The following USP45 variants were observed in gnomAD, a reference collection of about 807,000 sequenced individuals.
The protein encoded by USP45 is ubiquitin carboxyl-terminal hydrolase 45.
A neutral mutation model predicts 95.8 loss-of-function variants in USP45; 89 were observed. The ratio of observed to expected loss-of-function variants is 0.93; its 90% CI spans 0.78 to 1.11. The LOEUF is 1.11. Among genes scored for constraint, USP45 ranks in the 50% least tolerant of loss-of-function variants. USP45 has a pLI of 0.00. For synonymous variants in USP45, 281 were observed against 316.2 expected (o/e 0.89, Z 1.18); for missense variants, 898 against 942.5 (o/e 0.95, Z 0.62).
rs146076593 is a variant in USP45, at chr6:99,513,309, G to A, written c.-11+2083C>T. Among the ~76,000 whole-genome samples, 154 of 152,156 alleles carry A rather than the reference G, an allele frequency of 1.0e-3. 2 individuals are homozygous for A. Among genetic ancestry groups the A allele is most frequent in the African/African-American group, 3.5e-3 (144 of 41,522 alleles). On this transcript the variant is annotated intron_variant, in intron 1 of 17. Coordinates refer to ENST00000500704, the MANE Select transcript of USP45 (RefSeq NM_001346022.3). ...GGTCAACTTACATACTATCCACAGA[G>A]CCATTTCAAATCTTCTTCACTTTCC... is the stretch of plus-strand genomic sequence containing the variant.
chr6:99,468,666 G>T (rs367584186), intron 9 of USP45, 48 bp from the exon 10 acceptor site: 10 of 1,241,690 alleles, frequency 8.1e-6, no homozygotes, highest in Non-Finnish European at 9.2e-6. Flanking sequence ...GTTAACTCAG[G>T]CCTCATCCTC....
At chr6:99,510,011 A>C in intron 2 of USP45, 110 bp downstream of exon 2, 1 of 827,726 alleles carries the variant, frequency 1.2e-6, no homozygotes, top group South Asian at 1.7e-5. Context: ...TTGGTGGAAA[A>C]AAATTTGTGT....
intron 7 of USP45, among the ~76,000 whole-genome samples, chr6:99,487,002 G>A (rs930470819): frequency 6.6e-6 from 1 of 152,146 alleles, no homozygotes; most frequent in African/African-American, 2.4e-5. Flanking sequence ...GGGAACCACA[G>A]GGTGTCCTAG....
chr6:99,461,493 T>C (rs1008092339), intron 13 of USP45: 3 of 985,290 alleles, frequency 3.0e-6, no homozygotes, highest in Non-Finnish European at 3.6e-6. Flanking sequence ...ACACTAGTTT[T>C]ACAGTGCTTT....
At chr6:99,510,473 C>T (rs569885382) in intron 1 of USP45, among the ~76,000 whole-genome samples, 3 of 152,310 alleles carry the variant, frequency 2.0e-5, no homozygotes, top group Non-Finnish European at 4.4e-5. Flanking sequence ...TGTGTCCCCA[C>T]TCCAAATTGA....
At chr6:99,481,138 TC>T (rs1232514728) in intron 8 of USP45, among the ~76,000 whole-genome samples, 2 of 152,150 alleles carry the variant, frequency 1.3e-5, no homozygotes, top group Non-Finnish European at 2.9e-5. Context: ...TAATGTTTGA[TC>T]TAGTTATTCT....
chr6:99,486,754 G>A (rs1458622945), intron 7 of USP45, among the ~76,000 whole-genome samples: 1 of 151,792 alleles, frequency 6.6e-6, no homozygotes, highest in Non-Finnish European at 1.5e-5. Context: ...ATGTTTAGAG[G>A]GCTAAGCATT....
chr6:99,451,834 A>C (rs1356895051), intron 13 of USP45, among the ~76,000 whole-genome samples: 2 of 152,362 alleles, frequency 1.3e-5, no homozygotes, highest in Middle Eastern at 3.4e-3. Flanking sequence ...AAACAGAGAT[A>C]TAGACCAATG....
At chr6:99,509,380 G>A (rs1187635644) in intron 2 of USP45, among the ~76,000 whole-genome samples, 2 of 152,050 alleles carry the variant, frequency 1.3e-5, no homozygotes, top group African/African-American at 2.4e-5. Flanking sequence ...GAACTTATTC[G>A]GATTTCAGAA....
upstream of USP45, among the ~76,000 whole-genome samples, chr6:99,515,895 C>G (rs1289187462): frequency 6.6e-6 from 1 of 150,820 alleles, no homozygotes; most frequent in Non-Finnish European, 1.5e-5. Context: ...CTGCCTTAGC[C>G]TCCCGAGTAG....
At chr6:99,472,522 C>T (rs1250451921) in intron 9 of USP45, among the ~76,000 whole-genome samples, 3 of 152,010 alleles carry the variant, frequency 2.0e-5, no homozygotes, top group Non-Finnish European at 2.9e-5. Context: ...AGCCCACTTA[C>T]ATAATTTTTA....
At chr6:99,463,881 A>G (rs986104546) in intron 13 of USP45, among the ~76,000 whole-genome samples, 5 of 152,076 alleles carry the variant, frequency 3.3e-5, no homozygotes, top group South Asian at 2.1e-4. Context: ...AAACTTTAGA[A>G]AGCAAAATAA....
At chr6:99,508,287 T>C (rs566693593) in intron 3 of USP45, among the ~76,000 whole-genome samples, 22 of 152,316 alleles carry the variant, frequency 1.4e-4, no homozygotes, top group Non-Finnish European at 2.4e-4. Flanking sequence ...TAATCTGTTT[T>C]GAGAGAGAAA....
intron 5 of USP45, chr6:99,501,679 T>G (rs1797395168): frequency 1.2e-5 from 2 of 165,962 alleles, no homozygotes; most frequent in Non-Finnish European, 2.6e-5. Context: ...ATACCTGGCA[T>G]GTGGGAAGCA....
chr6:99,467,411 C>G (rs929610734), intron 10 of USP45, among the ~76,000 whole-genome samples: 1 of 151,926 alleles, frequency 6.6e-6, no homozygotes, highest in Non-Finnish European at 1.5e-5. Context: ...AACTTTCCAT[C>G]ATAAACCATG....
intron 14 of USP45, among the ~76,000 whole-genome samples, chr6:99,445,583 A>C (rs2128551437): frequency 6.6e-6 from 1 of 152,206 alleles, no homozygotes; most frequent in East Asian, 1.9e-4. Context: ...TTCAAGGCAG[A>C]GTTGTATACT....
At position 99,465,077 on chromosome 6, in the gene USP45, T is replaced by A. The variant is rs757972772; in HGVS notation, c.1164+3A>T. Reference sequence around the variant, plus strand: ...GCTTCATCATTAGTTTTCTTCTCCTTACCCTTTCTTCTATTATAGGAAGTG... The same window carrying A: ...GCTTCATCATTAGTTTTCTTCTCCTAACCCTTTCTTCTATTATAGGAAGTG... On this transcript the variant is annotated splice_donor_region_variant and intron_variant, in intron 12 of 17. Coordinates refer to ENST00000500704, the MANE Select transcript of USP45 (RefSeq NM_001346022.3). The A allele has an allele frequency of 2.5e-6, 4 of 1,592,374 alleles. No individual in the cohort carries two copies. The highest frequency in any genetic ancestry group is 2.6e-6 in the Non-Finnish European group (3 of 1,167,260).
At chr6:99,486,691 A>T (rs1340509278) in intron 7 of USP45, among the ~76,000 whole-genome samples, 2 of 151,890 alleles carry the variant, frequency 1.3e-5, no homozygotes, top group Admixed American at 6.6e-5. Context: ...TATATAAAAC[A>T]ATACTGTCTT....
At chr6:99,458,531 C>T (rs1382616621) in intron 13 of USP45, among the ~76,000 whole-genome samples, 2 of 152,212 alleles carry the variant, frequency 1.3e-5, no homozygotes, top group African/African-American at 4.8e-5. Context: ...TGGTTAAGAA[C>T]ATGGTCCTTG....
Sources: allele counts gnomAD v4.1 joint callset (sites outside exome capture counted in the v4.1 genomes callset), GRCh38; gene constraint gnomAD v4.1.1; transcripts MANE v1.5; gene names NCBI Gene and HGNC (gene_info 2026-07-23, HGNC 2026-07-21).